Variants in TTC17 observed in about 807,000 individuals in gnomAD.
The protein encoded by TTC17 is tetratricopeptide repeat protein 17.
Under a neutral mutation model 143.8 loss-of-function variants are expected in TTC17, and 58 were observed. The observed-to-expected ratio is 0.40, with a 90% confidence interval of 0.33 to 0.50. The LOEUF (loss-of-function observed/expected upper bound fraction) is 0.50. TTC17 is among the 20% of genes least tolerant of loss of function. TTC17 has a pLI of 0.49. For synonymous variants in TTC17, 501 were observed against 497.8 expected (o/e 1.01, Z -0.09); for missense variants, 1,273 against 1,392.5 (o/e 0.91, Z 1.37).
intron 23 of TTC17, 34 bp downstream of exon 23, chr11:43,492,197 C>T (rs1218824622): frequency 1.3e-6 from 2 of 1,597,024 alleles, no homozygotes; most frequent in African/African-American, 2.7e-5. Context: ...TGTACCAACT[C>T]TGCCAAACAG....
chr11:43,441,977 T>G (rs1947431469), intron 16 of TTC17, among the ~76,000 whole-genome samples: 1 of 152,168 alleles, frequency 6.6e-6, no homozygotes, highest in Non-Finnish European at 1.5e-5. Context: ...CTTGGGTGAT[T>G]TTGCCGTCGT....
intron 18 of TTC17, 53 bp downstream of exon 18, chr11:43,444,262 A>G (rs1947489867): frequency 2.6e-6 from 4 of 1,532,690 alleles, no homozygotes; most frequent in East Asian, 2.3e-5. Flanking sequence ...TCACTATCTC[A>G]TTTCTCACAA....
In TTC17 at chr11:43,407,227, A is replaced by C. The variant is rs1565150325; in HGVS notation, c.1839+12A>C. The C allele has an allele frequency of 6.3e-7, 1 of 1,575,062 alleles. No individual in the cohort carries two copies. ...ATGCTATTAATAAGGTGAGTCATTT[A>C]CTTTAGACATCTAAAACTTAAATGC... On this transcript the variant is annotated intron_variant, in intron 14 of 23. Transcript: ENST00000039989.
chr11:43,451,098 A>G lies in TTC17; in HGVS notation c.2947-84A>G, dbSNP rs1947648545. 6.7e-6 allele frequency: 9 copies of G among 1,338,004 alleles called. No homozygotes were observed. The Admixed American group carries it at 6.9e-5, about 10-fold the overall frequency. The allele number at this position is 1,338,004 out of a possible 1,614,324, so 82.9% of individuals were successfully genotyped here. A position where few individuals can be genotyped will look rare whatever the true frequency, so the allele number is the denominator to read the frequency against. The stretch of plus-strand genomic sequence containing the variant: ...CAGAAAAACAGTTTGCCTCTGTGGT[A>G]CAGTGCCCAACTCAGCATTAGCAGT... On this transcript the variant is annotated intron_variant, in intron 20 of 23. Transcript: ENST00000039989.
At chr11:43,407,671 A>G (rs1351384256) in intron 15 of TTC17, 94 bp downstream of exon 15, 7 of 1,231,480 alleles carry the variant, frequency 5.7e-6, no homozygotes, top group Middle Eastern at 2.0e-4. Flanking sequence ...AGCATAAAAA[A>G]TGTCATGTTT....
At chr11:43,447,908 AC>A (rs1947579320) in intron 18 of TTC17, 93 bp from the exon 19 acceptor site, 2 of 1,489,348 alleles carry the variant, frequency 1.3e-6, no homozygotes, top group South Asian at 2.6e-5. Flanking sequence ...ACCTCCAAAT[AC>A]ACCAATCCAG....
At chr11:43,453,005 A>C (rs970954664) in intron 21 of TTC17, among the ~76,000 whole-genome samples, 3 of 152,190 alleles carry the variant, frequency 2.0e-5, no homozygotes, top group Non-Finnish European at 4.4e-5. Context: ...AGCAATGGAT[A>C]TAAAAACAGG....
At chr11:43,448,207 A>T in intron 19 of TTC17, 85 bp downstream of exon 19, 1 of 1,540,490 alleles carries the variant, frequency 6.5e-7, no homozygotes, top group East Asian at 2.3e-5. Context: ...CTTAGCAGCT[A>T]GTAGAAGAGT....
chr11:43,379,192 T>A, intron 1 of TTC17, 41 bp from the exon 2 acceptor site: 1 of 1,563,754 alleles, frequency 6.4e-7, no homozygotes, highest in Non-Finnish European at 8.8e-7. Context: ...AAACCAGCAT[T>A]AATGAAATCC....
chr11:43,414,832 G>A, intron 16 of TTC17, 56 bp downstream of exon 16: 1 of 1,538,038 alleles, frequency 6.5e-7, no homozygotes, highest in East Asian at 2.3e-5. Flanking sequence ...TTCCTCTTCT[G>A]ATCAAAAGAA....
chr11:43,386,982 G>A (rs966986729), intron 2 of TTC17, among the ~76,000 whole-genome samples: 4 of 152,000 alleles, frequency 2.6e-5, no homozygotes, highest in African/African-American at 7.3e-5. Flanking sequence ...ATGGGGTCTC[G>A]CAGTATTGCC....
intron 1 of TTC17, among the ~76,000 whole-genome samples, chr11:43,373,603 G>A (rs540363747): frequency 6.6e-5 from 10 of 152,236 alleles, no homozygotes; most frequent in African/African-American, 1.9e-4. Context: ...GATTACAGGC[G>A]TGAACCACCA....
intron 16 of TTC17, among the ~76,000 whole-genome samples, chr11:43,439,529 G>A (rs898627261): frequency 8.0e-5 from 12 of 149,856 alleles, no homozygotes; most frequent in South Asian, 2.1e-4. Context: ...GTACAGTGGC[G>A]CAATCTCAGC....
intron 16 of TTC17, among the ~76,000 whole-genome samples, chr11:43,439,459 G>GTT (rs567441654): frequency 2.8e-5 from 4 of 143,452 alleles, no homozygotes. Context: ...TTCATGTCTT[G>GTT]TTTTTTTTTG....
Position 43,404,034 on chromosome 11 carries a change from G to C in TTC17, c.1369G>C (p.Val457Leu). The change falls in exon 11 of 24, where the codon GTG (valine) becomes CTG (leucine). Residue 457 changes from valine (V) to leucine (L), a missense_variant. Physicochemically the swap from Val to Leu is conservative, Grantham distance 32. Transcript: ENST00000039989. ...TTCATCAACCTCCAGTATGATGTCTGTGAACTTTGATGTTCAATCAAATCA... is the reference window on the plus strand; with the variant it reads ...TTCATCAACCTCCAGTATGATGTCTCTGAACTTTGATGTTCAATCAAATCA... ...EDSSTSSMMS[V>L]NFDVQSNQSD... 1 of 1,611,940 alleles carries C rather than the reference G, an allele frequency of 6.2e-7. No individual in the cohort carries two copies.
At chr11:43,379,400 A>G (rs1856878778) in intron 2 of TTC17, 78 bp downstream of exon 2, 1 of 1,332,032 alleles carries the variant, frequency 7.5e-7, no homozygotes, top group Non-Finnish European at 1.1e-6. Context: ...AGAAAAGCTA[A>G]AGCATATTAT....
chr11:43,463,140 T>C (rs1358637586), intron 21 of TTC17, among the ~76,000 whole-genome samples: 1 of 151,964 alleles, frequency 6.6e-6, no homozygotes, highest in Non-Finnish European at 1.5e-5. Flanking sequence ...GGTCTCAAAC[T>C]CCTGACCTCA....
chr11:43,362,074 G>A (rs576016816), intron 1 of TTC17, among the ~76,000 whole-genome samples: 3 of 149,024 alleles, frequency 2.0e-5, no homozygotes, highest in East Asian at 2.0e-4. Context: ...TCCGCCTCCC[G>A]GGTTCAAGTG....
chr11:43,416,845 G>T (rs935545350), intron 16 of TTC17, among the ~76,000 whole-genome samples: 1 of 151,970 alleles, frequency 6.6e-6, no homozygotes, highest in Non-Finnish European at 1.5e-5. Flanking sequence ...TGGTCTTCTT[G>T]TTTTAAAAAT....
Sources: gnomAD v4.1 joint callset for allele counts (sites outside exome capture counted in the v4.1 genomes callset) on GRCh38, gnomAD v4.1.1 for gene constraint, MANE v1.5 for transcripts, NCBI Gene and HGNC (gene_info 2026-07-23, HGNC 2026-07-21) for gene names.